DIAPH3: variants seen among roughly 807,000 people sequenced by gnomAD.
DIAPH3 encodes the protein protein diaphanous homolog 3.
In DIAPH3, 117 loss-of-function variants were observed where a neutral mutation model predicts 144.3. The ratio of observed to expected loss-of-function variants is 0.81; its 90% CI spans 0.70 to 0.95. The LOEUF is 0.95. DIAPH3 is among the 40% of genes least tolerant of loss of function. The probability of loss-of-function intolerance (pLI) is 0.00; values close to 1 mark genes in which losing one functional copy is unlikely to be tolerated. For synonymous variants in DIAPH3, 519 were observed against 488.9 expected, an observed-to-expected ratio of 1.06 and a Z score of -0.81; for missense variants, 1,421 against 1,412.7, an observed-to-expected ratio of 1.01 and a Z score of -0.09.
At chr13:60,038,731 C>A (rs1324997773) in intron 5 of DIAPH3, among the ~76,000 whole-genome samples, 1 of 151,632 alleles carries the variant, frequency 6.6e-6, no homozygotes, top group Admixed American at 6.6e-5. Context: ...AAAATAATGC[C>A]TAAAATTTCA....
chr13:59,875,791 T>C (rs1259071502), intron 21 of DIAPH3, among the ~76,000 whole-genome samples: 1 of 152,144 alleles, frequency 6.6e-6, no homozygotes, highest in African/African-American at 2.4e-5. Context: ...TTTTTTGTCA[T>C]ATGTCACATG....
At chr13:60,092,140 C>T (rs1017497377) in intron 4 of DIAPH3, among the ~76,000 whole-genome samples, 2 of 151,916 alleles carry the variant, frequency 1.3e-5, no homozygotes, top group African/African-American at 4.8e-5. Context: ...ATAATGAGTC[C>T]ACTATGTAGG....
At chr13:60,110,772 T>C (rs757781601) in intron 3 of DIAPH3, among the ~76,000 whole-genome samples, 20 of 152,094 alleles carry the variant, frequency 1.3e-4, no homozygotes, top group Non-Finnish European at 2.8e-4. Context: ...TGCTTAAGGG[T>C]GAAAAAGTGA....
intron 5 of DIAPH3, among the ~76,000 whole-genome samples, chr13:60,028,886 C>A (rs535024039): frequency 6.6e-6 from 1 of 152,114 alleles, no homozygotes; most frequent in African/African-American, 2.4e-5. Context: ...TGGTGAAACC[C>A]CATCTCTACT....
intron 5 of DIAPH3, among the ~76,000 whole-genome samples, chr13:60,028,989 G>A (rs576132322): frequency 6.6e-6 from 1 of 151,950 alleles, no homozygotes; most frequent in South Asian, 2.1e-4. Context: ...AACCCAGGAG[G>A]CGGAGGTTGC....
chr13:59,707,155 G>A (rs533123248), intron 27 of DIAPH3, among the ~76,000 whole-genome samples: 19 of 152,238 alleles, frequency 1.2e-4, no homozygotes, highest in South Asian at 2.1e-4. Flanking sequence ...AGCTAAATGC[G>A]TTTCTACTAA....
intron 15 of DIAPH3, among the ~76,000 whole-genome samples, chr13:59,972,246 C>G (rs2050429739): frequency 6.6e-6 from 1 of 152,104 alleles, no homozygotes; most frequent in Admixed American, 6.6e-5. Flanking sequence ...TCAAATGCCA[C>G]AGAGAAGCAA....
Position 59,692,691 on chromosome 13 carries a change from C to T in DIAPH3, c.3320-25845G>A, listed in dbSNP as rs192837148. 2.5e-4 allele frequency among the ~76,000 whole-genome samples: 38 copies of T among 152,158 alleles called. 1 individual carries two copies. The East Asian group carries it at 7.2e-3, about 29-fold the overall frequency. ...TGCCATGCAGAAATCGACCCACCAC[C>T]ACCACCTCCATCAACCATAACCTAC... On this transcript the variant is annotated intron_variant, in intron 27 of 27. Transcript: ENST00000400324.
intron 22 of DIAPH3, among the ~76,000 whole-genome samples, chr13:59,844,340 T>C (rs1056630687): frequency 6.6e-6 from 1 of 151,672 alleles, no homozygotes; most frequent in Non-Finnish European, 1.5e-5. Flanking sequence ...CCGTCTCTAC[T>C]AAAAATATAA....
intron 4 of DIAPH3, among the ~76,000 whole-genome samples, chr13:60,051,110 A>G (rs1469024934): frequency 2.0e-5 from 3 of 152,192 alleles, no homozygotes; most frequent in Non-Finnish European, 4.4e-5. Flanking sequence ...CCTGATCACA[A>G]ATTCAAGAAG....
intron 27 of DIAPH3, among the ~76,000 whole-genome samples, chr13:59,706,462 A>T (rs893265762): frequency 6.6e-6 from 1 of 152,228 alleles, no homozygotes; most frequent in African/African-American, 2.4e-5. Context: ...GAAGAAGGAA[A>T]CGAGAAATAT....
At chr13:59,936,429 A>C (rs2048263341) in intron 17 of DIAPH3, among the ~76,000 whole-genome samples, 1 of 152,212 alleles carries the variant, frequency 6.6e-6, no homozygotes, top group Admixed American at 6.5e-5. Flanking sequence ...AGATTTAACT[A>C]GCAGAAAAAC....
chr13:59,856,374 A>C (rs755952809), intron 22 of DIAPH3, among the ~76,000 whole-genome samples: 3 of 152,154 alleles, frequency 2.0e-5, no homozygotes. Flanking sequence ...CCCCAGGCTG[A>C]GTGGCTTAAA....
chr13:59,916,342 AT>A, intron 18 of DIAPH3, 93 bp from the exon 19 acceptor site: 1 of 965,734 alleles, frequency 1.0e-6, no homozygotes, highest in Non-Finnish European at 1.6e-6. Context: ...AAATAAATTC[AT>A]AAAACAAGAG....
intron 17 of DIAPH3, among the ~76,000 whole-genome samples, chr13:59,950,006 T>C (rs2049017743): frequency 6.6e-6 from 1 of 152,120 alleles, no homozygotes; most frequent in African/African-American, 2.4e-5. Flanking sequence ...ATAAAAGTAG[T>C]CTCTTAATTG....
intron 4 of DIAPH3, among the ~76,000 whole-genome samples, chr13:60,083,999 TAGATAGAC>T (rs760487534): frequency 0.027 from 3,256 of 119,572 alleles, 32 homozygotes; most frequent in South Asian, 0.05. Flanking sequence ...GAGTGATAGA[TAGATAGAC>T]AGATAGATAG....
At chr13:59,929,926 T>G (rs998871558) in intron 17 of DIAPH3, among the ~76,000 whole-genome samples, 1 of 152,136 alleles carries the variant, frequency 6.6e-6, no homozygotes, top group African/African-American at 2.4e-5. Flanking sequence ...AAAAATAAAA[T>G]CCATTTGAAC....
intron 17 of DIAPH3, among the ~76,000 whole-genome samples, chr13:59,933,028 T>G (rs2140339924): frequency 6.6e-6 from 1 of 152,346 alleles, no homozygotes; most frequent in East Asian, 1.9e-4. Context: ...CAAAGACCAC[T>G]GATAAAGCCG....
intron 27 of DIAPH3, among the ~76,000 whole-genome samples, chr13:59,681,685 C>A (rs1156898757): frequency 6.6e-6 from 1 of 151,772 alleles, no homozygotes; most frequent in Non-Finnish European, 1.5e-5. Flanking sequence ...TACTAAGTGC[C>A]AGGTTTGCAC....
Sources: allele counts gnomAD v4.1 joint callset (sites outside exome capture counted in the v4.1 genomes callset), GRCh38; gene constraint gnomAD v4.1.1; transcripts MANE v1.5; gene names NCBI Gene and HGNC (gene_info 2026-07-23, HGNC 2026-07-21).